Variants in BBS5 observed in about 807,000 individuals in gnomAD.
The protein encoded by BBS5 is BBSome complex member BBS5.
Under a neutral mutation model 50.2 loss-of-function variants are expected in BBS5, and 39 were observed. That is an observed-to-expected ratio of 0.78 (90% CI 0.60 to 1.01). BBS5 has a LOEUF of 1.01. BBS5 is among the 50% of genes least tolerant of loss of function. The pLI is 0.00. For missense variants in BBS5, 356 were observed against 401.5 expected, an observed-to-expected ratio of 0.89 and a Z score of 0.97; for synonymous variants, 134 against 133.1, an observed-to-expected ratio of 1.01 and a Z score of -0.05.
Position 169,493,845 on chromosome 2 carries a change from A to G in BBS5, c.618+9A>G. 2 of 1,503,482 alleles carry G rather than the reference A, an allele frequency of 1.3e-6. No homozygotes were observed. Among genetic ancestry groups the G allele is most frequent in the South Asian group, 2.3e-5 (2 of 88,156 alleles). 93.1% of individuals were successfully genotyped at this position (1,503,482 alleles called of 1,614,324 possible). On this transcript the variant is annotated intron_variant, in intron 7 of 11. Coordinates refer to ENST00000295240, the MANE Select transcript of BBS5 (RefSeq NM_152384.3). ...TACCATATCTGCAAATTGTAAGTAC[A>G]TACATTTTGATGACCTTATTTTAAT... is the stretch of plus-strand genomic sequence containing the variant.
chr2:169,487,098 C>A lies in BBS5; in HGVS notation c.172C>A (p.Leu58Ile). Residue 58 changes from leucine (L) to isoleucine (I), a missense_variant, in exon 3 of 12, where the codon CTC becomes ATC. By Grantham distance (5) the Leu-to-Ile change is conservative. Transcript: ENST00000295240. ...ACTCTTGGTAACAAATTTAAGAATT[C>A]TCTGGCACTCTTTGGCATTATCAAG... ...GRLLVTNLRI[L>I]WHSLALSRVN... 1 of 1,611,872 alleles carries A rather than the reference C, an allele frequency of 6.2e-7. No individual in the cohort carries two copies. Among genetic ancestry groups the A allele is most frequent in the Non-Finnish European group, 8.5e-7 (1 of 1,178,444 alleles).
rs926215370 is a variant in BBS5, at chr2:169,504,758, C to T, written c.*176C>T. 1.6e-5 allele frequency: 22 copies of T among 1,337,214 alleles called. No individual in the cohort carries two copies. Among genetic ancestry groups the T allele is most frequent in the South Asian group, 1.5e-4 (11 of 75,734 alleles). The allele number at this position is 1,337,214 out of a possible 1,614,324, so 82.8% of individuals were successfully genotyped here. On this transcript the variant is annotated 3_prime_UTR_variant, in exon 12 of 12. Coordinates refer to ENST00000295240, the MANE Select transcript of BBS5 (RefSeq NM_152384.3). ...TTAGAAAACTTCAGTTTTCGGCCAG[C>T]GCGTCGAGGGAGGGGCCAGCGACAC...
rs189358034 is a variant in BBS5, at chr2:169,500,084, A to G, written c.816+464A>G. ...TGTTGATCTGTACCTCTGCCATATC[A>G]GTTATGAAGTATTTTGCATATCCTG... On this transcript the variant is annotated intron_variant, in intron 9 of 11. Coordinates refer to ENST00000295240, the MANE Select transcript of BBS5 (RefSeq NM_152384.3). 8.5e-4 allele frequency among the ~76,000 whole-genome samples: 129 copies of G among 152,320 alleles called. 2 individuals are homozygous for G. The highest frequency in any genetic ancestry group is 2.9e-3 in the African/African-American group (121 of 41,566).
chr2:169,486,501 G>C (rs1406392064), intron 2 of BBS5, among the ~76,000 whole-genome samples: 1 of 152,136 alleles, frequency 6.6e-6, no homozygotes, highest in African/African-American at 2.4e-5. Flanking sequence ...ACATCAGTCT[G>C]ATGCTAAGAT....
At chr2:169,481,376 C>T (rs1683392736) in intron 1 of BBS5, among the ~76,000 whole-genome samples, 1 of 152,184 alleles carries the variant, frequency 6.6e-6, no homozygotes, top group Non-Finnish European at 1.5e-5. Flanking sequence ...TAGAAGCAGT[C>T]TTGGAGCTGT....
intron 9 of BBS5, among the ~76,000 whole-genome samples, chr2:169,500,007 C>T (rs192176184): frequency 6.6e-6 from 1 of 152,368 alleles, no homozygotes. Context: ...TAGTACTCCA[C>T]AATATAGCAA....
At chr2:169,503,424 C>T (rs998721098) in intron 10 of BBS5, among the ~76,000 whole-genome samples, 2 of 151,904 alleles carry the variant, frequency 1.3e-5, no homozygotes, top group Non-Finnish European at 2.9e-5. Flanking sequence ...CTTTGGAAGG[C>T]CGAGGTAGGC....
chr2:169,483,813 G>A (rs572286200), intron 2 of BBS5, among the ~76,000 whole-genome samples: 2 of 152,222 alleles, frequency 1.3e-5, no homozygotes, highest in East Asian at 3.9e-4. Flanking sequence ...AGATGAGAGT[G>A]GAGTATGAAG....
At chr2:169,480,670 C>CTTTTTTTTTTTTTT in intron 1 of BBS5, among the ~76,000 whole-genome samples, 1 of 73,168 alleles carries the variant, frequency 1.4e-5, no homozygotes, top group Non-Finnish European at 2.4e-5. Flanking sequence ...TTCTGTCATT[C>CTTTTTTTTTTTTTT]TTTTTTTTTT....
At position 169,504,635 on chromosome 2, in the gene BBS5, A is replaced by G; in HGVS notation, c.*53A>G. 1 of 1,325,490 alleles carries G rather than the reference A, an allele frequency of 7.5e-7. No homozygotes were observed. The highest frequency in any genetic ancestry group is 1.1e-6 in the Non-Finnish European group (1 of 916,924). 82.1% of individuals were successfully genotyped at this position (1,325,490 alleles called of 1,614,324 possible). On this transcript the variant is annotated 3_prime_UTR_variant, in exon 12 of 12. Coordinates refer to ENST00000295240, the MANE Select transcript of BBS5 (RefSeq NM_152384.3). The stretch of plus-strand genomic sequence containing the variant: ...TTAAAGATATCTCTAGTTTAAAGAT[A>G]CTAGTCACCTGCCATAAGTCATGGA...
intron 7 of BBS5, among the ~76,000 whole-genome samples, chr2:169,497,280 C>T (rs1446154927): frequency 6.6e-6 from 1 of 152,162 alleles, no homozygotes; most frequent in African/African-American, 2.4e-5. Context: ...TATGATCACA[C>T]CATTGTAGTC....
At chr2:169,504,449 A>G (rs1426140684) in intron 11 of BBS5, 32 bp from the exon 12 acceptor site, 2 of 1,597,454 alleles carry the variant, frequency 1.3e-6, no homozygotes, top group Non-Finnish European at 1.7e-6. Flanking sequence ...CACCTTCTCT[A>G]TTCCCATCTT....
rs369633086 is a variant in BBS5, at chr2:169,499,457, GT to G, written c.682-20del. On this transcript the variant is annotated intron_variant, in intron 8 of 11. Coordinates refer to ENST00000295240, the MANE Select transcript of BBS5 (RefSeq NM_152384.3). ...AAATACTGTTCTTCAGACTTGTTGG[GT>G]TTTTTTTTATTATTTTTTCTCTTGT... 3,018 of 1,567,252 alleles carry G rather than the reference GT, an allele frequency of 1.9e-3. 53 individuals carry two copies. In the African/African-American group the frequency reaches 0.031, roughly 16 times the overall value.
At chr2:169,485,457 A>T (rs915650322) in intron 2 of BBS5, among the ~76,000 whole-genome samples, 2 of 152,238 alleles carry the variant, frequency 1.3e-5, no homozygotes, top group African/African-American at 4.8e-5. Context: ...TGATGAACCT[A>T]ACTGCCTACA....
intron 9 of BBS5, among the ~76,000 whole-genome samples, chr2:169,500,588 T>C (rs1315112449): frequency 1.3e-5 from 2 of 152,250 alleles, no homozygotes; most frequent in Non-Finnish European, 1.5e-5. Context: ...CTGCTGGGGC[T>C]TGGCATGCTG....
Position 169,506,326 on chromosome 2 carries a change from C to A in BBS5, c.*1744C>A. On this transcript the variant is annotated 3_prime_UTR_variant, in exon 12 of 12. Coordinates refer to ENST00000295240, the MANE Select transcript of BBS5 (RefSeq NM_152384.3). ...TACCCAACAGCTCATTGAGAGCGGG[C>A]GATGATGACAGTGGCGGCTTTGTGG... is the stretch of plus-strand genomic sequence containing the variant. 1 of 179,698 alleles carries A rather than the reference C, an allele frequency of 5.6e-6. No homozygotes were observed. Among genetic ancestry groups the A allele is most frequent in the Admixed American group, 6.3e-5 (1 of 15,812 alleles). 11.1% of individuals were successfully genotyped at this position (179,698 alleles called of 1,614,324 possible).
chr2:169,499,946 C>G (rs1030381684), intron 9 of BBS5, among the ~76,000 whole-genome samples: 1 of 152,150 alleles, frequency 6.6e-6, no homozygotes, highest in African/African-American at 2.4e-5. Flanking sequence ...ACTTCAGCCC[C>G]CTATGAGCAT....
chr2:169,490,287 G>A (rs1344220318), intron 5 of BBS5, among the ~76,000 whole-genome samples: 4 of 141,742 alleles, frequency 2.8e-5, no homozygotes, highest in Non-Finnish European at 6.0e-5. Flanking sequence ...TCCGCCTCCC[G>A]GGTTCACGCC....
intron 2 of BBS5, 129 bp downstream of exon 2, chr2:169,482,462 C>T: frequency 1.3e-6 from 1 of 746,874 alleles, no homozygotes; most frequent in East Asian, 2.5e-5. Context: ...GTTAAATTCA[C>T]ATAAGACTTT....
Sources: gnomAD v4.1 joint callset for allele counts (sites outside exome capture counted in the v4.1 genomes callset) on GRCh38, gnomAD v4.1.1 for gene constraint, MANE v1.5 for transcripts, NCBI Gene and HGNC (gene_info 2026-07-23, HGNC 2026-07-21) for gene names.